Variants in CDH13 observed in about 807,000 individuals in gnomAD.
The protein encoded by CDH13 is cadherin 13.
Under a neutral mutation model 63.8 loss-of-function variants are expected in CDH13, and 24 were observed. The ratio of observed to expected loss-of-function variants is 0.38; its 90% CI spans 0.27 to 0.53. The LOEUF (loss-of-function observed/expected upper bound fraction) is 0.53, where lower values mean the gene tolerates loss of function less well. Among genes scored for constraint, CDH13 ranks in the 20% least tolerant of loss-of-function variants. CDH13 has a pLI of 0.85. For synonymous variants in CDH13, 503 were observed against 355.3 expected, an observed-to-expected ratio of 1.42 and a Z score of -4.67; for missense variants, 1,049 against 903.1, an observed-to-expected ratio of 1.16 and a Z score of -2.07.
chr16:82,855,866 G>A (rs1346672811), intron 1 of CDH13, among the ~76,000 whole-genome samples: 1 of 152,156 alleles, frequency 6.6e-6, no homozygotes, highest in East Asian at 1.9e-4. Flanking sequence ...ATTTCAGAGG[G>A]CTGGTATTTA....
intron 7 of CDH13, among the ~76,000 whole-genome samples, chr16:83,502,220 A>G (rs2074299099): frequency 6.6e-6 from 1 of 152,198 alleles, no homozygotes; most frequent in African/African-American, 2.4e-5. Flanking sequence ...AGATTGGAAG[A>G]TTATTCTGAA....
chr16:82,830,820 T>C (rs1485110544), intron 1 of CDH13, among the ~76,000 whole-genome samples: 1 of 152,220 alleles, frequency 6.6e-6, no homozygotes, highest in East Asian at 1.9e-4. Context: ...AATCCCACCC[T>C]GGGCATAGCC....
Position 83,602,107 on chromosome 16 carries a change from CAAAAAAAAAAAAAAAAA to C in CDH13, c.961-327_961-311del, listed in dbSNP as rs869202510. On this transcript the variant is annotated intron_variant, in intron 7 of 13. Transcript: ENST00000567109. Reference sequence around the variant, plus strand: ...CAAAAAAAAAAAAAAAGAACAACAACAAAAAAAAAAAAAAAAAAAAAAAAAAAAAAAAAAAACCCAAA... The same window carrying C: ...CAAAAAAAAAAAAAAAGAACAACAACAAAAAAAAAAAAAAAAAAACCCAAA... Among the ~76,000 whole-genome samples, 28 of 7,960 alleles carry C rather than the reference CAAAAAAAAAAAAAAAAA, an allele frequency of 3.5e-3. No individual in the cohort carries two copies. The East Asian group carries it at 0.069, about 20-fold the overall frequency. 5.2% of individuals were successfully genotyped at this position (7,960 alleles called of 152,430 possible).
intron 6 of CDH13, among the ~76,000 whole-genome samples, chr16:83,463,635 T>C (rs1209472422): frequency 6.6e-6 from 1 of 152,108 alleles, no homozygotes; most frequent in Non-Finnish European, 1.5e-5. Flanking sequence ...ACCCCCATCA[T>C]TATAAAAATT....
chr16:82,676,599 C>T (rs1253658813), intron 1 of CDH13, among the ~76,000 whole-genome samples: 1 of 146,460 alleles, frequency 6.8e-6, no homozygotes. Flanking sequence ...CAGAATGATT[C>T]TTTGAAAGCT....
intron 6 of CDH13, among the ~76,000 whole-genome samples, chr16:83,381,734 G>C (rs1468748771): frequency 6.7e-6 from 1 of 150,238 alleles, no homozygotes; most frequent in African/African-American, 2.5e-5. Context: ...AAAAAAAAAA[G>C]TACCAAGAGG....
chr16:83,163,761 C>T (rs976239659), intron 4 of CDH13, among the ~76,000 whole-genome samples: 4 of 152,038 alleles, frequency 2.6e-5, no homozygotes, highest in African/African-American at 9.7e-5. Context: ...AAGCCGCCAC[C>T]CACCATTCTG....
chr16:82,805,575 G>C (rs956121066), intron 1 of CDH13, among the ~76,000 whole-genome samples: 3 of 152,124 alleles, frequency 2.0e-5, no homozygotes, highest in Non-Finnish European at 4.4e-5. Context: ...TGCAATGAGA[G>C]ATGCCCAAAT....
At chr16:83,132,602 C>T (rs1381261357) in intron 4 of CDH13, among the ~76,000 whole-genome samples, 2 of 151,892 alleles carry the variant, frequency 1.3e-5, no homozygotes, top group South Asian at 2.1e-4. Flanking sequence ...TGCCACCACG[C>T]CCAGCTAATT....
chr16:83,441,424 C>T (rs1030462810), intron 6 of CDH13, among the ~76,000 whole-genome samples: 12 of 152,180 alleles, frequency 7.9e-5, no homozygotes, highest in Admixed American at 5.2e-4. Flanking sequence ...ACTTATGTTC[C>T]TACCAAATAT....
chr16:83,184,568 A>G (rs916080330), intron 4 of CDH13, among the ~76,000 whole-genome samples: 1 of 152,178 alleles, frequency 6.6e-6, no homozygotes, highest in Non-Finnish European at 1.5e-5. Context: ...CAGCCTGGCC[A>G]ACATGGTGAA....
intron 2 of CDH13, among the ~76,000 whole-genome samples, chr16:83,023,820 T>C (rs1237370399): frequency 1.3e-5 from 2 of 152,128 alleles, no homozygotes; most frequent in Non-Finnish European, 1.5e-5. Flanking sequence ...ATTTAGGATA[T>C]GATTATAATT....
intron 1 of CDH13, among the ~76,000 whole-genome samples, chr16:82,792,164 C>G (rs1190983582): frequency 6.6e-6 from 1 of 152,134 alleles, no homozygotes; most frequent in Non-Finnish European, 1.5e-5. Flanking sequence ...TCCTTGACTT[C>G]ATAGACTCAC....
chr16:83,491,602 T>G (rs1266469814), intron 7 of CDH13, among the ~76,000 whole-genome samples: 1 of 152,038 alleles, frequency 6.6e-6, no homozygotes, highest in African/African-American at 2.4e-5. Flanking sequence ...TGGAAATAGT[T>G]TCCAAAATAG....
chr16:83,035,901 C>G (rs1261196424), intron 3 of CDH13, among the ~76,000 whole-genome samples: 1 of 152,124 alleles, frequency 6.6e-6, no homozygotes, highest in Non-Finnish European at 1.5e-5. Context: ...ACAGCAATGA[C>G]CAACACTGAT....
intron 7 of CDH13, among the ~76,000 whole-genome samples, chr16:83,512,630 T>C (rs565300352): frequency 2.7e-4 from 40 of 150,680 alleles, no homozygotes; most frequent in African/African-American, 8.3e-4. Context: ...ATCATGCCAC[T>C]GCACTCCAGC....
chr16:83,328,720 C>G (rs1388234341), intron 5 of CDH13, among the ~76,000 whole-genome samples: 1 of 152,132 alleles, frequency 6.6e-6, no homozygotes, highest in East Asian at 1.9e-4. Flanking sequence ...GTATAAGGAG[C>G]ATTGGGCACC....
At chr16:83,328,427 G>C (rs1567595150) in intron 5 of CDH13, among the ~76,000 whole-genome samples, 1 of 152,174 alleles carries the variant, frequency 6.6e-6, no homozygotes, top group Non-Finnish European at 1.5e-5. Flanking sequence ...GTTCACATCA[G>C]GACCTTGCAG....
intron 4 of CDH13, among the ~76,000 whole-genome samples, chr16:83,131,119 C>G (rs947874117): frequency 3.3e-5 from 5 of 150,744 alleles, no homozygotes; most frequent in Admixed American, 2.0e-4. Context: ...ATATTACAAC[C>G]CTGAGATTCC....
Sources: gnomAD v4.1 joint callset for allele counts (sites outside exome capture counted in the v4.1 genomes callset) on GRCh38, gnomAD v4.1.1 for gene constraint, MANE v1.5 for transcripts, NCBI Gene and HGNC (gene_info 2026-07-23, HGNC 2026-07-21) for gene names.